Variants in ARHGAP6 observed in about 807,000 individuals in gnomAD.
ARHGAP6 encodes Rho GTPase activating protein 6, also known as rho GTPase-activating protein 6.
A neutral mutation model predicts 55.7 loss-of-function variants in ARHGAP6; 16 were observed. The observed-to-expected ratio is 0.29, with a 90% CI of 0.19 to 0.44. The LOEUF (loss-of-function observed/expected upper bound fraction) is 0.44. Ranked by LOEUF, ARHGAP6 falls within the 20% of genes least tolerant of loss-of-function variation. ARHGAP6 has a pLI of 1.00. For synonymous variants in ARHGAP6, 382 were observed against 360.9 expected (o/e 1.06, Z -0.66); for missense variants, 698 against 808.9 (o/e 0.86, Z 1.66).
intron 1 of ARHGAP6, among the ~76,000 whole-genome samples, chrX:11,297,235 G>A (rs1353950750): frequency 8.9e-6 from 1 of 112,097 alleles, no homozygotes; most frequent in African/African-American, 3.2e-5. Flanking sequence ...CTCTATGTGT[G>A]TCTCTTGCTT....
chrX:11,420,383 T>C (rs1474545788), intron 1 of ARHGAP6, among the ~76,000 whole-genome samples: 1 of 111,906 alleles, frequency 8.9e-6, no homozygotes, highest in Non-Finnish European at 1.9e-5. Context: ...AATTAATTAA[T>C]TGTGTTTGTA....
chrX:11,218,743 T>C (rs2046917033), intron 2 of ARHGAP6, among the ~76,000 whole-genome samples: 1 of 111,921 alleles, frequency 8.9e-6, no homozygotes, highest in Admixed American at 9.4e-5. Flanking sequence ...TTCTAATTTA[T>C]TTGTGTGGAG....
chrX:11,460,914 G>A (rs1279048166), intron 1 of ARHGAP6, among the ~76,000 whole-genome samples: 1 of 111,869 alleles, frequency 8.9e-6, no homozygotes, highest in Admixed American at 9.5e-5. Flanking sequence ...AGGTTATGCT[G>A]GGGTAACAAA....
At chrX:11,173,771 T>C (rs932605508) in intron 8 of ARHGAP6, among the ~76,000 whole-genome samples, 1 of 111,773 alleles carries the variant, frequency 8.9e-6, no homozygotes, top group Non-Finnish European at 1.9e-5. Flanking sequence ...TAAGCACATA[T>C]CAAAGAGAAA....
intron 1 of ARHGAP6, among the ~76,000 whole-genome samples, chrX:11,556,114 T>C (rs1860603635): frequency 9.0e-6 from 1 of 111,600 alleles, no homozygotes; most frequent in Admixed American, 9.5e-5. Flanking sequence ...GGATAAGATA[T>C]AGTTCCTACC....
intron 1 of ARHGAP6, among the ~76,000 whole-genome samples, chrX:11,576,922 C>T (rs191837119): frequency 3.6e-5 from 4 of 111,506 alleles, no homozygotes; most frequent in Admixed American, 2.9e-4. Flanking sequence ...AAGCCACTTG[C>T]AATTCTGGGC....
intron 1 of ARHGAP6, among the ~76,000 whole-genome samples, chrX:11,631,096 G>T (rs1441453772): frequency 9.0e-6 from 1 of 111,076 alleles, no homozygotes; most frequent in Non-Finnish European, 1.9e-5. Flanking sequence ...AGAGATAATA[G>T]TTCAGATAAT....
chrX:11,467,649 G>C (rs1057317782), intron 1 of ARHGAP6, among the ~76,000 whole-genome samples: 18 of 111,488 alleles, frequency 1.6e-4, no homozygotes, highest in African/African-American at 5.9e-4. Flanking sequence ...GACACAAAAG[G>C]GTACACTGTA....
At chrX:11,286,609 C>T (rs1289996717) in intron 1 of ARHGAP6, among the ~76,000 whole-genome samples, 1 of 111,408 alleles carries the variant, frequency 9.0e-6, no homozygotes, top group Non-Finnish European at 1.9e-5. Context: ...TTTGCCCCCT[C>T]ACTCCCCCAT....
chrX:11,348,140 G>C (rs1224632084), intron 1 of ARHGAP6, among the ~76,000 whole-genome samples: 2 of 112,117 alleles, frequency 1.8e-5, no homozygotes, highest in Non-Finnish European at 3.8e-5. Flanking sequence ...TGGGCAGCTA[G>C]AGTTTGCCTC....
intron 1 of ARHGAP6, among the ~76,000 whole-genome samples, chrX:11,517,797 C>T (rs781101948): frequency 9.1e-6 from 1 of 109,755 alleles, no homozygotes; most frequent in Non-Finnish European, 1.9e-5. Context: ...GGGAGGGGAA[C>T]AACACACACT....
At chrX:11,610,230 G>A (rs2052087033) in intron 1 of ARHGAP6, among the ~76,000 whole-genome samples, 1 of 111,228 alleles carries the variant, frequency 9.0e-6, no homozygotes. Context: ...GACCTAAAAG[G>A]ACATCTTTCT....
At chrX:11,411,469 A>G (rs1261199055) in intron 1 of ARHGAP6, among the ~76,000 whole-genome samples, 2 of 107,815 alleles carry the variant, frequency 1.9e-5, no homozygotes, top group Admixed American at 2.0e-4. Flanking sequence ...CAACATTTTT[A>G]TCAAATTATA....
At chrX:11,147,211 A>G (rs182197830) in intron 10 of ARHGAP6, among the ~76,000 whole-genome samples, 1 of 112,865 alleles carries the variant, frequency 8.9e-6, no homozygotes, top group Non-Finnish European at 1.9e-5. Flanking sequence ...ATGAACACAT[A>G]CATATACATG....
At chrX:11,246,051 T>C (rs2047348239) in intron 2 of ARHGAP6, among the ~76,000 whole-genome samples, 1 of 111,344 alleles carries the variant, frequency 9.0e-6, no homozygotes, top group Admixed American at 9.6e-5. Flanking sequence ...ACTCTGGTGA[T>C]TTTACGTGTG....
chrX:11,265,722 T>C, intron 1 of ARHGAP6: 1 of 905,121 alleles, frequency 1.1e-6, no homozygotes, highest in Non-Finnish European at 1.4e-6. Context: ...TGCTGTCCTC[T>C]CTAATCTAAC....
intron 1 of ARHGAP6, among the ~76,000 whole-genome samples, chrX:11,629,022 T>C (rs866245554): frequency 1.9e-5 from 2 of 105,435 alleles, no homozygotes; most frequent in South Asian, 8.0e-4. Flanking sequence ...TGTGTGTGTA[T>C]ACACGAGCTA....
chrX:11,238,150 T>C (rs1309636956), intron 2 of ARHGAP6, among the ~76,000 whole-genome samples: 1 of 112,594 alleles, frequency 8.9e-6, no homozygotes, highest in African/African-American at 3.2e-5. Flanking sequence ...TTCCCACTTG[T>C]CACAATGCTC....
At chrX:11,204,954 T>G (rs777665159) in intron 2 of ARHGAP6, among the ~76,000 whole-genome samples, 1 of 112,020 alleles carries the variant, frequency 8.9e-6, no homozygotes, top group African/African-American at 3.2e-5. Flanking sequence ...CTCATCCTGT[T>G]TCATCTGGTA....
Sources: gnomAD v4.1 joint callset for allele counts (sites outside exome capture counted in the v4.1 genomes callset) on GRCh38, gnomAD v4.1.1 for gene constraint, MANE v1.5 for transcripts, NCBI Gene and HGNC (gene_info 2026-07-23, HGNC 2026-07-21) for gene names.